The following TRIM24 variants were observed in gnomAD, a reference collection of about 807,000 sequenced individuals.
TRIM24 encodes tripartite motif containing 24.
TRIM24 carries 29 observed loss-of-function variants against 123.9 expected under a neutral mutation model. The ratio of observed to expected loss-of-function variants is 0.23; its 90% CI spans 0.17 to 0.32. TRIM24 has a LOEUF of 0.32. Ranked by LOEUF, TRIM24 falls within the 10% of genes least tolerant of loss-of-function variation. TRIM24 has a pLI of 1.00. For missense variants in TRIM24, 932 were observed against 1,295.3 expected (o/e 0.72, Z 4.31); for synonymous variants, 456 against 461.1 (o/e 0.99, Z 0.14).
At chr7:138,530,482 T>A (rs535578967) in intron 6 of TRIM24, among the ~76,000 whole-genome samples, 81 of 152,216 alleles carry the variant, frequency 5.3e-4, no homozygotes, top group African/African-American at 1.9e-3. Flanking sequence ...AAAATTTTTT[T>A]TGAGACAGGG....
intron 2 of TRIM24, among the ~76,000 whole-genome samples, chr7:138,504,739 C>G (rs191456784): frequency 6.3e-4 from 95 of 151,184 alleles, no homozygotes; most frequent in African/African-American, 2.2e-3. Context: ...GGATTACAGG[C>G]GTGAGCCACC....
intron 12 of TRIM24, among the ~76,000 whole-genome samples, chr7:138,574,398 T>C (rs1167876642): frequency 6.6e-6 from 1 of 152,176 alleles, no homozygotes; most frequent in African/African-American, 2.4e-5. Flanking sequence ...TGAACACAAT[T>C]TAAATGGGGA....
At chr7:138,577,789 G>T (rs2116684973) in intron 14 of TRIM24, among the ~76,000 whole-genome samples, 1 of 152,224 alleles carries the variant, frequency 6.6e-6, no homozygotes, top group South Asian at 2.1e-4. Context: ...CTCAGATATG[G>T]AGGCTGGGCA....
chr7:138,565,114 T>C (rs1014939715), intron 9 of TRIM24, among the ~76,000 whole-genome samples: 6 of 152,094 alleles, frequency 3.9e-5, no homozygotes, highest in African/African-American at 1.4e-4. Flanking sequence ...CTAAGAGAAC[T>C]GCGGCCCCCA....
At chr7:138,582,709 AACTCT>A (rs915025747) in intron 17 of TRIM24, among the ~76,000 whole-genome samples, 6 of 152,028 alleles carry the variant, frequency 3.9e-5, no homozygotes, top group Non-Finnish European at 7.4e-5. Context: ...ACAAGAGCAA[AACTCT>A]GTCCCAAAAA....
At chr7:138,508,616 C>T (rs1037063441) in intron 2 of TRIM24, among the ~76,000 whole-genome samples, 2 of 151,202 alleles carry the variant, frequency 1.3e-5, no homozygotes, top group African/African-American at 4.9e-5. Flanking sequence ...ATTTTTAGAG[C>T]AGTAAGTTAA....
At chr7:138,508,708 C>CGTGTGTGTGTGTGTGCGT (rs61703393) in intron 2 of TRIM24, among the ~76,000 whole-genome samples, 5 of 136,192 alleles carry the variant, frequency 3.7e-5, no homozygotes, top group Non-Finnish European at 6.3e-5. Flanking sequence ...CGCGTGTGTG[C>CGTGTGTGTGTGTGTGCGT]GTGTGTGTGT....
chr7:138,463,222 G>A (rs1270789177), intron 1 of TRIM24, among the ~76,000 whole-genome samples: 1 of 150,808 alleles, frequency 6.6e-6, no homozygotes, highest in East Asian at 2.0e-4. Flanking sequence ...TTTAAGGTTG[G>A]TTTTTCCTTC....
At position 138,584,728 on chromosome 7, in the gene TRIM24, TTTTTACTCCACAGCC is replaced by T; in HGVS notation, c.2944-12_2946del. ...TGTGTCCTTTTTTTACTCATTTTTA[TTTTTACTCCACAGCC>T]TGATTCAGAAGTAGCCAATGCTGGT... On this transcript the variant is annotated splice_acceptor_variant and splice_polypyrimidine_tract_variant and coding_sequence_variant and intron_variant, in exon 19 of 19. Transcript: ENST00000343526. LOFTEE classifies it high-confidence loss of function. The T allele has an allele frequency of 6.4e-7, 1 of 1,573,862 alleles. No homozygotes were observed. The highest frequency in any genetic ancestry group is 8.6e-7 in the Non-Finnish European group (1 of 1,165,692).
chr7:138,511,263 CA>C (rs1796278821), intron 2 of TRIM24, among the ~76,000 whole-genome samples: 1 of 151,098 alleles, frequency 6.6e-6, no homozygotes, highest in Non-Finnish European at 1.5e-5. Flanking sequence ...GAGCAGGAGC[CA>C]AAAGAGGGTG....
At chr7:138,522,028 G>A (rs1408501158) in intron 4 of TRIM24, among the ~76,000 whole-genome samples, 5 of 151,758 alleles carry the variant, frequency 3.3e-5, no homozygotes, top group South Asian at 4.1e-4. Context: ...CTAGCTACTC[G>A]GGAAACTGAG....
intron 4 of TRIM24, among the ~76,000 whole-genome samples, chr7:138,520,185 G>GAA (rs2116566494): frequency 6.6e-6 from 1 of 152,348 alleles, no homozygotes; most frequent in African/African-American, 2.4e-5. Context: ...ACAGGGCTGA[G>GAA]AAATCACAGC....
intron 1 of TRIM24, among the ~76,000 whole-genome samples, chr7:138,467,026 A>G (rs1344134254): frequency 3.3e-5 from 5 of 152,188 alleles, no homozygotes; most frequent in Admixed American, 3.3e-4. Context: ...CATTTATTAA[A>G]GACAGTACTT....
chr7:138,573,375 C>T (rs1237939287), intron 11 of TRIM24, 132 bp from the exon 12 acceptor site: 2 of 830,536 alleles, frequency 2.4e-6, no homozygotes, highest in East Asian at 3.1e-5. Context: ...TCTGTTAGAA[C>T]TTCTCAAATG....
At chr7:138,530,746 G>A (rs191510516) in intron 6 of TRIM24, among the ~76,000 whole-genome samples, 5 of 152,092 alleles carry the variant, frequency 3.3e-5, no homozygotes, top group South Asian at 2.1e-4. Context: ...GAGATTACAG[G>A]TATGAGCTAC....
rs1392295222 is a variant in TRIM24, at chr7:138,585,119, CTT to C, written c.*169_*170del. On this transcript the variant is annotated 3_prime_UTR_variant, in exon 19 of 19. Coordinates refer to ENST00000343526, the MANE Select transcript of TRIM24 (RefSeq NM_015905.3). ...CTTAATAGCCCATTTCTGTTAACCTCTTATCACTAAGAAAGAAAGGAAAGAAG... is the reference window on the plus strand; with the variant it reads ...CTTAATAGCCCATTTCTGTTAACCTCATCACTAAGAAAGAAAGGAAAGAAG... The C allele has an allele frequency of 1.5e-5, 7 of 452,372 alleles. No homozygotes were observed. Among genetic ancestry groups the C allele is most frequent in the Admixed American group, 4.3e-5 (1 of 23,324 alleles). 28.0% of individuals were successfully genotyped at this position (452,372 alleles called of 1,614,324 possible).
At chr7:138,479,286 A>G (rs1304327107) in intron 1 of TRIM24, among the ~76,000 whole-genome samples, 5 of 152,208 alleles carry the variant, frequency 3.3e-5, no homozygotes, top group Admixed American at 3.3e-4. Flanking sequence ...ACACATAGCC[A>G]GTAACCCCAA....
chr7:138,498,256 G>C (rs1005827085), intron 1 of TRIM24, among the ~76,000 whole-genome samples: 1 of 151,630 alleles, frequency 6.6e-6, no homozygotes, highest in South Asian at 2.1e-4. Context: ...ACAGAGTCTC[G>C]CTCTGTCACC....
Position 138,460,495 on chromosome 7 carries a change from G to C in TRIM24, c.-54G>C. ...GCAGGAGGAGGAGGAGGTCGTCGGG[G>C]GCGGCGGGCGGAGACCGCGCTCTCG... On this transcript the variant is annotated 5_prime_UTR_variant, in exon 1 of 19. Coordinates refer to ENST00000343526, the MANE Select transcript of TRIM24 (RefSeq NM_015905.3). 8.0e-7 allele frequency: 1 copy of C among 1,256,852 alleles called. No homozygotes were observed. The highest frequency in any genetic ancestry group is 1.6e-5 in the African/African-American group (1 of 64,484). 77.9% of individuals were successfully genotyped at this position (1,256,852 alleles called of 1,614,324 possible).
Sources: allele counts gnomAD v4.1 joint callset (sites outside exome capture counted in the v4.1 genomes callset), GRCh38; gene constraint gnomAD v4.1.1; transcripts MANE v1.5; gene names NCBI Gene and HGNC (gene_info 2026-07-23, HGNC 2026-07-21).